Variants in HHIPL2 observed in about 807,000 individuals in gnomAD.
HHIPL2 encodes HHIP-like protein 2.
HHIPL2 carries 61 observed loss-of-function variants against 61.0 expected under a neutral mutation model. That is an observed-to-expected ratio of 1.00 (90% confidence interval 0.81 to 1.24). HHIPL2 has a LOEUF of 1.24. HHIPL2 is among the 50% of genes most tolerant of loss of function. The pLI is 0.00. For missense variants in HHIPL2, 885 were observed against 910.2 expected (o/e 0.97, Z 0.36); for synonymous variants, 343 against 357.4 (o/e 0.96, Z 0.45).
At chr1:222,527,095 C>G (rs1386901281) in intron 6 of HHIPL2, 45 bp from the exon 7 acceptor site, 1 of 1,417,238 alleles carries the variant, frequency 7.1e-7, no homozygotes, top group African/African-American at 1.4e-5. Flanking sequence ...CATCAGGCAG[C>G]ACTGAGACAC....
chr1:222,537,861 G>C (rs1011917925), intron 5 of HHIPL2, among the ~76,000 whole-genome samples: 3 of 151,908 alleles, frequency 2.0e-5, no homozygotes, highest in African/African-American at 7.3e-5. Flanking sequence ...CAAACACTAA[G>C]AGACAGGTAA....
At position 222,522,350 on chromosome 1, in the gene HHIPL2, T is replaced by C. The variant is rs1393543495; in HGVS notation, c.*251A>G. On this transcript the variant is annotated 3_prime_UTR_variant, in exon 9 of 9. Transcript: ENST00000343410. ...TCCAGTGTGATTCCAAGCAGGCTCA[T>C]GGACTAGTGCTTACCATAACCCAGG... is the stretch of plus-strand genomic sequence containing the variant. The C allele has an allele frequency of 1.1e-5, 6 of 521,776 alleles. No homozygotes were observed. Among genetic ancestry groups the C allele is most frequent in the East Asian group, 3.0e-5 (1 of 33,076 alleles). The allele number at this position is 521,776 out of a possible 1,614,324, so 32.3% of individuals were successfully genotyped here. A position where few individuals can be genotyped will look rare whatever the true frequency, so the allele number is the denominator to read the frequency against.
At chr1:222,540,423 C>T in intron 3 of HHIPL2, 82 bp from the exon 4 acceptor site, 2 of 1,102,780 alleles carry the variant, frequency 1.8e-6, no homozygotes, top group Non-Finnish European at 1.3e-6. Flanking sequence ...GAAGGGCCGA[C>T]TCATAGCTGA....
At chr1:222,523,147 C>T (rs1022893721) in intron 8 of HHIPL2, among the ~76,000 whole-genome samples, 6 of 152,020 alleles carry the variant, frequency 3.9e-5, no homozygotes, top group Non-Finnish European at 7.4e-5. Context: ...GGAAACATTC[C>T]TCATTCTAGG....
chr1:222,540,108 T>C lies in HHIPL2; in HGVS notation c.1352A>G (p.Glu451Gly), dbSNP rs774431762. ...ACCTTTCAAAATGAGGTCAACCTCT[T>C]CAAACCTGTTCTGGCCCACGTCCCC... ...FCGDVGQNRF[E>G]EVDLILKGGN... is the part of the protein sequence containing the mutation. The change falls in exon 4 of 9, where the codon GAA (glutamate) becomes GGA (glycine). Residue 451 changes from glutamate to glycine, a missense_variant. Transcript: ENST00000343410. 1 of 1,614,282 alleles carries C rather than the reference T, an allele frequency of 6.2e-7. No individual in the cohort carries two copies. The highest frequency in any genetic ancestry group is 1.1e-5 in the South Asian group (1 of 91,090).
intron 2 of HHIPL2, 30 bp downstream of exon 2, chr1:222,543,507 C>G: frequency 6.3e-7 from 1 of 1,582,522 alleles, no homozygotes; most frequent in South Asian, 1.2e-5. Context: ...GAACACAGTA[C>G]AGCTGTAGGC....
In HHIPL2 at chr1:222,543,820, G is replaced by A; in HGVS notation, c.691C>T (p.Arg231Cys). 6.2e-7 allele frequency: 1 copy of A among 1,614,142 alleles called. No homozygotes were observed. The change falls in exon 2 of 9, where the codon CGC becomes TGC. Residue 231 changes from arginine (R) to cysteine (C), a missense_variant. By Grantham distance (180) the Arg-to-Cys change is radical (BLOSUM62 -3). Transcript: ENST00000343410. ...SMVHAGDGTH[R>C]FFVAEQVGVV... ...CCTACCTGCTCGGCAACAAAGAAGC[G>A]ATGGGTGCCGTCCCCAGCATGGACC...
chr1:222,541,372 A>T (rs906881552), intron 3 of HHIPL2, among the ~76,000 whole-genome samples: 4 of 152,100 alleles, frequency 2.6e-5, no homozygotes, highest in Non-Finnish European at 4.4e-5. Context: ...CCACTTACTC[A>T]TTGTACGACC....
At chr1:222,539,012 C>T (rs4846764) in intron 4 of HHIPL2, 152,241 of 479,548 alleles carry the variant, frequency 0.32, 26,222 homozygotes, top group East Asian at 0.54. Context: ...CCAAAAATTC[C>T]CTCCATCTAT....
chr1:222,531,826 C>G lies in HHIPL2; in HGVS notation c.1723+140G>C, dbSNP rs773465276. On this transcript the variant is annotated intron_variant, in intron 6 of 8. Coordinates refer to ENST00000343410, the MANE Select transcript of HHIPL2 (RefSeq NM_024746.4). ...AAATGTGAAGTGCTTAGAATAGTATCCAGTACATTATAAAAGATGACTAAA... is the reference window on the plus strand; with the variant it reads ...AAATGTGAAGTGCTTAGAATAGTATGCAGTACATTATAAAAGATGACTAAA... 1.1e-4 allele frequency: 69 copies of G among 643,628 alleles called. 1 individual carries two copies. Among genetic ancestry groups the G allele is most frequent in the Middle Eastern group, 9.1e-4 (3 of 3,304 alleles). 39.9% of individuals were successfully genotyped at this position (643,628 alleles called of 1,614,324 possible).
intron 4 of HHIPL2, 25 bp downstream of exon 4, chr1:222,539,985 A>G (rs1436815126): frequency 6.3e-7 from 1 of 1,594,142 alleles, no homozygotes. Flanking sequence ...CATCCAAGAA[A>G]TCACCCAGAG....
chr1:222,531,927 C>T (rs774230014), intron 6 of HHIPL2, 39 bp downstream of exon 6: 1 of 1,554,786 alleles, frequency 6.4e-7, no homozygotes, highest in Non-Finnish European at 8.8e-7. Flanking sequence ...TATCCGAGTT[C>T]TAGTAAGCAG....
chr1:222,528,487 A>G (rs1418394112), intron 6 of HHIPL2, among the ~76,000 whole-genome samples: 1 of 152,108 alleles, frequency 6.6e-6, no homozygotes, highest in Non-Finnish European at 1.5e-5. Context: ...CACGCCTGTG[A>G]TCCCAGCTAT....
rs752201134 is a variant in HHIPL2 at position 222,540,226 on chromosome 1, C to A, written c.1234G>T (p.Ala412Ser). 3.7e-6 allele frequency: 6 copies of A among 1,614,248 alleles called. No individual in the cohort carries two copies. The East Asian group carries it at 1.1e-4, about 30-fold the overall frequency. Residue 412 changes from alanine (A) to serine (S), a missense_variant, in exon 4 of 9, where the codon GCC becomes TCC. Transcript: ENST00000343410. ...TTCCTGATCCCATAGGCATAGATGG[C>A]GGGGTGGGCCCCTGGCTCAGAAACA... ...PFVSEPGAHP[A>S]IYAYGIRNMW...
At chr1:222,526,330 G>A (rs1047593887) in intron 7 of HHIPL2, among the ~76,000 whole-genome samples, 5 of 152,034 alleles carry the variant, frequency 3.3e-5, no homozygotes, top group Non-Finnish European at 5.9e-5. Context: ...AGGGGACAGG[G>A]GAGCAGTACT....
At position 222,526,999 on chromosome 1, in the gene HHIPL2, C is replaced by A; in HGVS notation, c.1775G>T (p.Gly592Val). The A allele has an allele frequency of 6.2e-7, 1 of 1,613,558 alleles. No homozygotes were observed. Among genetic ancestry groups the A allele is most frequent in the Middle Eastern group, 1.6e-4 (1 of 6,062 alleles). ...TSYPSAYAPR[G>V]SIYKFVDPSR... ...GGGGTCAACAAACTTGTAAATAGAT[C>A]CACGTGGTGCATAGGCACTTGGGTA... The change falls in exon 7 of 9, where the codon GGA becomes GTA. Residue 592 changes from glycine (G) to valine (V), a missense_variant. Physicochemically the swap from Gly to Val is moderately radical, Grantham distance 109. Transcript: ENST00000343410.
rs1274995162 is a variant in HHIPL2 at position 222,543,518 on chromosome 1, T to G, written c.974+19A>C. The G allele has an allele frequency of 6.3e-7, 1 of 1,597,776 alleles. No homozygotes were observed. The highest frequency in any genetic ancestry group is 1.3e-5 in the African/African-American group (1 of 74,416). ...TTCGGAACACAGTACAGCTGTAGGC[T>G]CTCATGAGTACCTCTCACCTCTCTG... is the stretch of plus-strand genomic sequence containing the variant. On this transcript the variant is annotated intron_variant, in intron 2 of 8. Coordinates refer to ENST00000343410, the MANE Select transcript of HHIPL2 (RefSeq NM_024746.4).
chr1:222,524,870 A>G (rs141942084), intron 7 of HHIPL2: 80 of 152,298 alleles, frequency 5.3e-4, no homozygotes, highest in African/African-American at 1.7e-3. Flanking sequence ...TAGTCCTAAA[A>G]TGACCTCTCC....
chr1:222,530,078 G>A (rs1482065406), intron 6 of HHIPL2, among the ~76,000 whole-genome samples: 1 of 152,134 alleles, frequency 6.6e-6, no homozygotes, highest in Admixed American at 6.5e-5. Flanking sequence ...CCGCCCTTGG[G>A]TAAAGGCTTG....
Sources: allele counts gnomAD v4.1 joint callset (sites outside exome capture counted in the v4.1 genomes callset), GRCh38; gene constraint gnomAD v4.1.1; transcripts MANE v1.5; gene names NCBI Gene and HGNC (gene_info 2026-07-23, HGNC 2026-07-21).